Variants in ACE observed in about 807,000 individuals in gnomAD.
The protein encoded by ACE is angiotensin I converting enzyme.
ACE carries 122 observed loss-of-function variants against 162.3 expected under a neutral mutation model. The observed-to-expected ratio is 0.75, with a 90% confidence interval of 0.65 to 0.87. The LOEUF is 0.87. Ranked by LOEUF, ACE falls within the 40% of genes least tolerant of loss-of-function variation. The probability of loss-of-function intolerance (pLI) is 0.00; values close to 1 mark genes in which losing one functional copy is unlikely to be tolerated. For synonymous variants in ACE, 796 were observed against 720.6 expected (o/e 1.10, Z -1.68); for missense variants, 1,799 against 1,735.1 (o/e 1.04, Z -0.65).
rs1317192622 is a variant in ACE at position 63,491,261 on chromosome 17, T to C, written c.2792T>C (p.Leu931Pro). The change falls in exon 19 of 25, where the codon CTG becomes CCG. Residue 931 changes from leucine to proline, a missense_variant. Physicochemically the swap from Leu to Pro is moderately conservative, Grantham distance 98. Coordinates refer to ENST00000290866, the MANE Select transcript of ACE (RefSeq NM_000789.4). The surrounding 1 kb of genome is among the most constrained non-coding windows in gnomAD (Gnocchi z 4.4). ...FKEADDFFTS[L>P]GLLPVPPEFW... is the part of the protein sequence containing the mutation. Reference sequence around the variant, plus strand: ...GAGGCTGATGATTTCTTCACCTCCCTGGGGCTGCTGCCCGTGCCTCCTGAG... The same window carrying C: ...GAGGCTGATGATTTCTTCACCTCCCCGGGGCTGCTGCCCGTGCCTCCTGAG... The C allele has an allele frequency of 1.2e-6, 2 of 1,614,132 alleles. No homozygotes were observed. Among genetic ancestry groups the C allele is most frequent in the Non-Finnish European group, 1.7e-6 (2 of 1,180,026 alleles).
chr17:63,488,298 G>A, intron 15 of ACE, among the ~76,000 whole-genome samples: 1 of 150,624 alleles, frequency 6.6e-6, no homozygotes, highest in South Asian at 2.1e-4. Flanking sequence ...GGTCAAGGCT[G>A]CAGTGAGCCG....
In ACE at chr17:63,485,389, C is replaced by A. The variant is rs750123831; in HGVS notation, c.2058+17C>A. The A allele has an allele frequency of 3.1e-6, 5 of 1,613,560 alleles. No homozygotes were observed. Among genetic ancestry groups the A allele is most frequent in the Admixed American group, 1.7e-5 (1 of 59,974 alleles). On this transcript the variant is annotated intron_variant, in intron 13 of 24. Transcript: ENST00000290866. Reference sequence around the variant, plus strand: ...AAGATTCTGGTGGGAGCCACCTCCCCACCCCCAAACCTGAGCATGTGCATA... The same window carrying A: ...AAGATTCTGGTGGGAGCCACCTCCCAACCCCCAAACCTGAGCATGTGCATA...
chr17:63,481,230 T>TGGGGGGGGTGGGGGGG, intron 6 of ACE, 42 bp downstream of exon 6: 1 of 526,754 alleles, frequency 1.9e-6, no homozygotes, highest in Non-Finnish European at 3.4e-6. Flanking sequence ...GGGTCGGGGG[T>TGGGGGGGGTGGGGGGG]GGGGCGCAAA....
At position 63,477,120 on chromosome 17, in the gene ACE, G is replaced by A. The variant is rs1223694748; in HGVS notation, c.26G>A (p.Gly9Glu). Residue 9 changes from glycine to glutamate, a missense_variant, in exon 1 of 25, where the codon GGG becomes GAG. By Grantham distance (98) the Gly-to-Glu change is moderately conservative. Transcript: ENST00000290866. Reference protein sequence around the residue: MGAASGRRGPGLLLPLPLL... With the variant: MGAASGRREPGLLLPLPLL... ...ATGGGGGCCGCCTCGGGCCGCCGGG[G>A]GCCGGGGCTGCTGCTGCCGCTGCCG... 4 of 1,370,618 alleles carry A rather than the reference G, an allele frequency of 2.9e-6. No individual in the cohort carries two copies. Among genetic ancestry groups the A allele is most frequent in the Middle Eastern group, 2.7e-4 (1 of 3,740 alleles). The allele number at this position is 1,370,618 out of a possible 1,614,324, so 84.9% of individuals were successfully genotyped here. A position where few individuals can be genotyped will look rare whatever the true frequency, so the allele number is the denominator to read the frequency against.
chr17:63,480,749 G>A (rs1334982655), intron 5 of ACE, among the ~76,000 whole-genome samples: 3 of 152,212 alleles, frequency 2.0e-5, no homozygotes, highest in African/African-American at 7.2e-5. Context: ...TGGTCAGAGA[G>A]CTAGGGGCCA....
At chr17:63,482,902 G>C in intron 8 of ACE, 127 bp from the exon 9 acceptor site, 3 of 1,182,034 alleles carry the variant, frequency 2.5e-6, no homozygotes, top group South Asian at 1.2e-5. Flanking sequence ...CCAGGGTCTC[G>C]AGGGCCAGCC....
At position 63,479,072 on chromosome 17, in the gene ACE, G is replaced by C; in HGVS notation, c.483G>C (p.Lys161Asn). ...YSTAKVCLPN[K>N]TATCWSLDPD... is the part of the protein sequence containing the mutation. ...CCGCCAAGGTCTGCCTCCCCAACAA[G>C]ACTGCCACCTGCTGGTCCCTGGACC... is the stretch of plus-strand genomic sequence containing the variant. The change falls in exon 3 of 25, where the codon AAG (lysine) becomes AAC (asparagine). Residue 161 changes from lysine to asparagine, a missense_variant. Transcript: ENST00000290866. 1 of 1,613,480 alleles carries C rather than the reference G, an allele frequency of 6.2e-7. No individual in the cohort carries two copies. Among genetic ancestry groups the C allele is most frequent in the Non-Finnish European group, 8.5e-7 (1 of 1,179,854 alleles).
intron 19 of ACE, among the ~76,000 whole-genome samples, chr17:63,492,185 T>G (rs2030428908): frequency 1.3e-5 from 2 of 152,242 alleles, no homozygotes; most frequent in Non-Finnish European, 2.9e-5. Flanking sequence ...CAGCGTGGAA[T>G]CTGAGGTGGG....
rs577350502 is a variant in ACE, at chr17:63,488,533, C to A, written c.2306-115C>A. On this transcript the variant is annotated intron_variant, in intron 15 of 24. Transcript: ENST00000290866. ...CATTTCTCTAGACCTGCTGCCTATA[C>A]AGTCACTTTTATGTGGTTTCGCCAA... is the stretch of plus-strand genomic sequence containing the variant. 27 of 1,107,902 alleles carry A rather than the reference C, an allele frequency of 2.4e-5. 9 individuals carry two copies. The East Asian group carries it at 6.4e-4, about 26-fold the overall frequency. The allele number at this position is 1,107,902 out of a possible 1,614,324, so 68.6% of individuals were successfully genotyped here. A position where few individuals can be genotyped will look rare whatever the true frequency, so the allele number is the denominator to read the frequency against.
chr17:63,489,632 GGCTGCAATCTCA>G (rs2030234799), intron 17 of ACE, among the ~76,000 whole-genome samples: 1 of 152,172 alleles, frequency 6.6e-6, no homozygotes, highest in Non-Finnish European at 1.5e-5. Flanking sequence ...CTTTGCCAAG[GGCTGCAATCTCA>G]GATGCCCTGA....
intron 6 of ACE, 144 bp downstream of exon 6, chr17:63,481,332 G>GC: frequency 1.1e-6 from 1 of 924,194 alleles, no homozygotes. Context: ...GCTGGGGTCG[G>GC]CCCCCTCAGT....
At position 63,488,695 on chromosome 17, in the gene ACE, T is replaced by A; in HGVS notation, c.2353T>A (p.Trp785Arg). 6.2e-7 allele frequency: 1 copy of A among 1,613,586 alleles called. No homozygotes were observed. The highest frequency in any genetic ancestry group is 8.5e-7 in the Non-Finnish European group (1 of 1,179,938). ...GTCCCGGAAATATGAAGACCTGTTATGGGCATGGGAGGGCTGGCGAGACAA... is the reference window on the plus strand; with the variant it reads ...GTCCCGGAAATATGAAGACCTGTTAAGGGCATGGGAGGGCTGGCGAGACAA... Reference protein sequence around the residue: ...ATSRKYEDLLWAWEGWRDKAG... With the variant: ...ATSRKYEDLLRAWEGWRDKAG... The change falls in exon 16 of 25, where the codon TGG becomes AGG. Residue 785 changes from tryptophan to arginine, a missense_variant. Physicochemically the swap from Trp to Arg is moderately radical, Grantham distance 101. Transcript: ENST00000290866.
In ACE at chr17:63,491,130, C is replaced by T; in HGVS notation, c.2739+79C>T. ...GATTCAGGAGTTCCCTCCAGTTTAG[C>T]CCTCCCCCGGGATCCCCACGGCAGC... On this transcript the variant is annotated intron_variant, in intron 18 of 24. Coordinates refer to ENST00000290866, the MANE Select transcript of ACE (RefSeq NM_000789.4). This position sits in a 1 kb window ranked among gnomAD's most constrained non-coding sequence, Gnocchi z 4.4. 1 of 1,610,100 alleles carries T rather than the reference C, an allele frequency of 6.2e-7. No homozygotes were observed. The highest frequency in any genetic ancestry group is 1.1e-5 in the South Asian group (1 of 90,970).
In ACE at chr17:63,485,502, C is replaced by T. The variant is rs540515041; in HGVS notation, c.2058+130C>T. ...TTTAAAACAATACTCAATTTCGGGC[C>T]GGGCGCGGTGGCTCACGCCTGTAAT... On this transcript the variant is annotated intron_variant, in intron 13 of 24. Coordinates refer to ENST00000290866, the MANE Select transcript of ACE (RefSeq NM_000789.4). 7.6e-5 allele frequency: 104 copies of T among 1,374,780 alleles called. 3 individuals are homozygous for T. Among genetic ancestry groups the T allele is most frequent in the South Asian group, 7.5e-4 (60 of 80,518 alleles). 85.2% of individuals were successfully genotyped at this position (1,374,780 alleles called of 1,614,324 possible).
rs1228837209 is a variant in ACE at position 63,494,069 on chromosome 17, T to C, written c.3281+3T>C. On this transcript the variant is annotated splice_donor_region_variant and intron_variant, in intron 21 of 24. Transcript: ENST00000290866. The stretch of plus-strand genomic sequence containing the variant: ...AACCAGGAGTGGTGGAGCCTCAGGT[T>C]CTGGAACACTCCCACGGGATGCGGG... The C allele has an allele frequency of 5.0e-6, 8 of 1,613,900 alleles. No individual in the cohort carries two copies. The Admixed American group carries it at 1.0e-4, about 20-fold the overall frequency.
intron 5 of ACE, 74 bp downstream of exon 5, chr17:63,480,602 G>A: frequency 6.5e-7 from 1 of 1,544,458 alleles, no homozygotes; most frequent in Non-Finnish European, 8.9e-7. Context: ...GGGATGTCCA[G>A]GGTAAGGGAA....
rs769466912 is a variant in ACE at position 63,484,447 on chromosome 17, G to A, written c.1827G>A (p.Trp609Ter). The A allele has an allele frequency of 1.2e-6, 2 of 1,612,414 alleles. No homozygotes were observed. Among genetic ancestry groups the A allele is most frequent in the Non-Finnish European group, 1.7e-6 (2 of 1,179,914 alleles). Reference protein sequence around the residue: ...LLKYFQPVTQWLQEQNQQNGE... With the variant: ...LLKYFQPVTQ The stretch of plus-strand genomic sequence containing the variant: ...AGTACTTCCAGCCAGTCACCCAGTG[G>A]CTGCAGGAGCAGAACCAGCAGAACG... The change falls in exon 12 of 25, where the codon TGG (tryptophan) becomes TGA (stop). Residue 609 changes from tryptophan (W) to a stop codon, truncating the protein, a stop_gained. Transcript: ENST00000290866. LOFTEE classifies it high-confidence loss of function. This position sits in a 1 kb window ranked among gnomAD's most constrained non-coding sequence, Gnocchi z 4.0.
chr17:63,478,662 CA>C, intron 2 of ACE: 86 of 385,760 alleles, frequency 2.2e-4, no homozygotes, highest in South Asian at 3.9e-4. Flanking sequence ...GACCTCCCCC[CA>C]AAAAAAAGAG....
chr17:63,478,341 C>T (rs886309461), intron 2 of ACE: 4 of 563,656 alleles, frequency 7.1e-6, no homozygotes, highest in Non-Finnish European at 1.3e-5. Context: ...AAATACACTT[C>T]TCCCTAGGCT....
Sources: allele counts gnomAD v4.1 joint callset (sites outside exome capture counted in the v4.1 genomes callset), GRCh38; gene constraint gnomAD v4.1.1; non-coding constraint Gnocchi (gnomAD v3.1); transcripts MANE v1.5; gene names NCBI Gene and HGNC (gene_info 2026-07-23, HGNC 2026-07-21).